LDHAL6A: variants seen among roughly 807,000 people sequenced by gnomAD.
LDHAL6A encodes lactate dehydrogenase A like 6A, also known as L-lactate dehydrogenase A-like 6A.
Under a neutral mutation model 28.2 loss-of-function variants are expected in LDHAL6A, and 19 were observed. The observed-to-expected ratio is 0.67, with a 90% confidence interval of 0.47 to 0.99. The LOEUF is 0.99. LDHAL6A is among the 50% of genes least tolerant of loss of function. The pLI is 0.00. For synonymous variants in LDHAL6A, 144 were observed against 134.4 expected (o/e 1.07, Z -0.49); for missense variants, 372 against 398.6 (o/e 0.93, Z 0.57).
rs1465814846 is a variant in LDHAL6A at position 18,456,688 on chromosome 11, C to T, written c.8C>T (p.Thr3Ile). 1 of 1,613,730 alleles carries T rather than the reference C, an allele frequency of 6.2e-7. No homozygotes were observed. Among genetic ancestry groups the T allele is most frequent in the South Asian group, 1.1e-5 (1 of 90,972 alleles). The change falls in exon 1 of 7, where the codon ACT becomes ATT. Residue 3 changes from threonine to isoleucine, a missense_variant. This residue lies in a region of LDHAL6A where 77 missense variants were observed against 77.9 expected (regional missense o/e 0.99). Transcript: ENST00000280706. Reference sequence around the variant, plus strand: ...CACTGTTAGGTTTCCAAGATGGCAACTATCAAGAGTGAACTTATTAAGAAT... The same window carrying T: ...CACTGTTAGGTTTCCAAGATGGCAATTATCAAGAGTGAACTTATTAAGAAT... MATIKSELIKNFA... is the reference protein window; with the variant it reads MAIIKSELIKNFA...
intron 3 of LDHAL6A, among the ~76,000 whole-genome samples, chr11:18,467,585 G>A (rs750308175): frequency 1.2e-4 from 18 of 151,972 alleles, no homozygotes; most frequent in South Asian, 6.2e-4. Context: ...TGGGTCAGGC[G>A]TGGTGGCTCA....
At chr11:18,463,661 T>C (rs1013274080) in intron 1 of LDHAL6A, among the ~76,000 whole-genome samples, 2 of 152,212 alleles carry the variant, frequency 1.3e-5, no homozygotes. Context: ...ACTTTATCAC[T>C]GTGCAGCCTC....
chr11:18,460,633 G>A (rs1333899170), intron 1 of LDHAL6A, among the ~76,000 whole-genome samples: 1 of 150,968 alleles, frequency 6.6e-6, no homozygotes, highest in African/African-American at 2.4e-5. Flanking sequence ...GGTGGTACAT[G>A]CTAGTAGTAC....
intron 3 of LDHAL6A, among the ~76,000 whole-genome samples, chr11:18,466,691 A>T (rs1425795696): frequency 6.6e-6 from 1 of 151,530 alleles, no homozygotes; most frequent in Non-Finnish European, 1.5e-5. Flanking sequence ...ATGGGAAGAT[A>T]ATATGCTTAA....
At chr11:18,464,178 T>C (rs1848992105) in intron 2 of LDHAL6A, 100 bp downstream of exon 2, 2 of 793,318 alleles carry the variant, frequency 2.5e-6, no homozygotes, top group African/African-American at 3.5e-5. Context: ...TTTTTATAGA[T>C]AAGGCTGGTT....
intron 2 of LDHAL6A, among the ~76,000 whole-genome samples, chr11:18,464,878 C>A (rs1438526134): frequency 1.7e-4 from 26 of 152,254 alleles, no homozygotes; most frequent in Non-Finnish European, 8.8e-5. Flanking sequence ...TCTGTTCACA[C>A]CACATCTATC....
At position 18,478,894 on chromosome 11, in the gene LDHAL6A, G is replaced by T; in HGVS notation, c.*24G>T. Reference sequence around the variant, plus strand: ...AAAGTTGCTTAAAGCTAATTCTGTAGATTGAAGATGAAATAGTAGTTATGG... The same window carrying T: ...AAAGTTGCTTAAAGCTAATTCTGTATATTGAAGATGAAATAGTAGTTATGG... On this transcript the variant is annotated 3_prime_UTR_variant, in exon 7 of 7. Transcript: ENST00000280706. 1 of 1,570,402 alleles carries T rather than the reference G, an allele frequency of 6.4e-7. No homozygotes were observed.
At chr11:18,475,097 C>G in intron 3 of LDHAL6A, 1 of 181,256 alleles carries the variant, frequency 5.5e-6, no homozygotes. Context: ...CAGATGTGAG[C>G]CACTGCGCTC....
rs1009515303 is a variant in LDHAL6A at position 18,456,032 on chromosome 11, A to G, written c.-649A>G. ...GGCGGTTCATCTCCTTCGTGCCTCG[A>G]TGAGCTTTAACGCCATTTTCCTCCA... On this transcript the variant is annotated 5_prime_UTR_variant, in exon 1 of 7. It removes an upstream start codon present in the reference 5' UTR. Transcript: ENST00000280706. 6.6e-6 allele frequency: 1 copy of G among 152,622 alleles called. No individual in the cohort carries two copies. Among genetic ancestry groups the G allele is most frequent in the African/African-American group, 2.4e-5 (1 of 41,478 alleles). The allele number at this position is 152,622 out of a possible 1,614,324, so 9.5% of individuals were successfully genotyped here.
intron 2 of LDHAL6A, among the ~76,000 whole-genome samples, chr11:18,465,001 T>TTTTTTTG (rs1849025165): frequency 2.1e-5 from 3 of 144,514 alleles, no homozygotes; most frequent in African/African-American, 8.1e-5. Context: ...TGTTTTGTTT[T>TTTTTTTG]GGTTTGTTTT....
chr11:18,463,801 G>C (rs1295390320), intron 1 of LDHAL6A, among the ~76,000 whole-genome samples, 160 bp from the exon 2 acceptor site: 2 of 152,150 alleles, frequency 1.3e-5, no homozygotes, highest in African/African-American at 4.8e-5. Flanking sequence ...TTCTGGTTTA[G>C]ACTTTTATAT....
intron 5 of LDHAL6A, 53 bp downstream of exon 5, chr11:18,476,554 CTG>C (rs1849389264): frequency 1.3e-6 from 2 of 1,584,894 alleles, no homozygotes; most frequent in Non-Finnish European, 1.7e-6. Context: ...AGCCTGAACT[CTG>C]TTAGAAGGTT....
At chr11:18,459,921 G>A (rs957470877) in intron 1 of LDHAL6A, among the ~76,000 whole-genome samples, 1 of 152,072 alleles carries the variant, frequency 6.6e-6, no homozygotes, top group African/African-American at 2.4e-5. Flanking sequence ...TGGTGAGACC[G>A]AGGTTTTGGG....
intron 2 of LDHAL6A, among the ~76,000 whole-genome samples, chr11:18,465,249 T>A (rs1454652597): frequency 6.6e-6 from 1 of 151,930 alleles, no homozygotes; most frequent in Non-Finnish European, 1.5e-5. Context: ...CAGTCTCCCT[T>A]GTAGCTGGGA....
At chr11:18,461,678 G>A (rs983960368) in intron 1 of LDHAL6A, among the ~76,000 whole-genome samples, 99 of 145,386 alleles carry the variant, frequency 6.8e-4, no homozygotes, top group African/African-American at 2.0e-3. Context: ...GTGAAACCCC[G>A]TCTCTACTAA....
At chr11:18,469,912 T>C (rs982567043) in intron 3 of LDHAL6A, among the ~76,000 whole-genome samples, 21 of 152,320 alleles carry the variant, frequency 1.4e-4, no homozygotes, top group African/African-American at 4.6e-4. Flanking sequence ...GGAAAGATTT[T>C]TTCCCCCCCG....
chr11:18,478,818 T>A lies in LDHAL6A; in HGVS notation c.947T>A (p.Leu316Ter). 6.2e-7 allele frequency: 1 copy of A among 1,613,966 alleles called. No individual in the cohort carries two copies. The highest frequency in any genetic ancestry group is 8.5e-7 in the Non-Finnish European group (1 of 1,180,000). ...CTGACTCTTGAAGAGGAGGCCTGCT[T>A]GCAAAAGAGTGCAGAAACACTTTGG... The part of the protein sequence containing the change: ...VKLTLEEEAC[L>*]QKSAETLWEI... Residue 316 changes from leucine to a stop codon, truncating the protein, a stop_gained, in exon 7 of 7, where the codon TTG becomes TAG. Coordinates refer to ENST00000280706, the MANE Select transcript of LDHAL6A (RefSeq NM_144972.5). LOFTEE classifies it high-confidence loss of function.
At chr11:18,467,849 C>A (rs1237321359) in intron 3 of LDHAL6A, among the ~76,000 whole-genome samples, 2 of 119,396 alleles carry the variant, frequency 1.7e-5, no homozygotes, top group Non-Finnish European at 3.3e-5. Context: ...CAGGGCAAGA[C>A]TGTCTCAAAA....
At chr11:18,468,034 T>TAA (rs1253823645) in intron 3 of LDHAL6A, among the ~76,000 whole-genome samples, 1 of 14,996 alleles carries the variant, frequency 6.7e-5, no homozygotes, top group Non-Finnish European at 1.5e-4. Context: ...CGTATATATA[T>TAA]ATACATATAT....
Sources: allele counts gnomAD v4.1 joint callset (sites outside exome capture counted in the v4.1 genomes callset), GRCh38; gene constraint gnomAD v4.1.1; regional missense constraint gnomAD v4.1.1; transcripts MANE v1.5; gene names NCBI Gene and HGNC (gene_info 2026-07-23, HGNC 2026-07-21).